PCDH18: variants seen among roughly 807,000 people sequenced by gnomAD.
The protein encoded by PCDH18 is protocadherin-18.
PCDH18 carries 38 observed loss-of-function variants against 71.5 expected under a neutral mutation model. That is an observed-to-expected ratio of 0.53 (90% confidence interval 0.41 to 0.70). The LOEUF (loss-of-function observed/expected upper bound fraction) is 0.70, where lower values mean the gene tolerates loss of function less well. Among genes scored for constraint, PCDH18 ranks in the 30% least tolerant of loss-of-function variants. The probability of loss-of-function intolerance (pLI) is 0.00; values close to 1 mark genes in which losing one functional copy is unlikely to be tolerated. For synonymous variants in PCDH18, 565 were observed against 505.4 expected, an observed-to-expected ratio of 1.12 and a Z score of -1.58; for missense variants, 1,334 against 1,384.6, an observed-to-expected ratio of 0.96 and a Z score of 0.58.
chr4:137,528,007 G>T (rs530393498), intron 3 of PCDH18, among the ~76,000 whole-genome samples: 2 of 152,222 alleles, frequency 1.3e-5, no homozygotes, highest in South Asian at 4.2e-4. Flanking sequence ...ACAATTTCCA[G>T]TGTATTTTAG....
At chr4:137,526,798 T>A (rs1731475511) in intron 3 of PCDH18, among the ~76,000 whole-genome samples, 1 of 151,982 alleles carries the variant, frequency 6.6e-6, no homozygotes, top group Non-Finnish European at 1.5e-5. Context: ...GACACTCTAC[T>A]TAAAAACAAT....
chr4:137,528,569 A>G lies in PCDH18; in HGVS notation c.2649T>C (p.Ser883=). The change falls in exon 3 of 4, where the codon AGT becomes AGC. Residue 883 remains serine (S), a synonymous_variant. Coordinates refer to ENST00000344876, the MANE Select transcript of PCDH18 (RefSeq NM_019035.5). ...GAGAATCTCGCCCCAAATCATAATCACTGTCTCCTGCCTCACTGTCACCAC... is the reference window on the plus strand; with the variant it reads ...GAGAATCTCGCCCCAAATCATAATCGCTGTCTCCTGCCTCACTGTCACCAC... ...SGRGDSEAGD[S]DYDLGRDSPI... 1.2e-6 allele frequency: 2 copies of G among 1,613,858 alleles called. No individual in the cohort carries two copies. The highest frequency in any genetic ancestry group is 1.1e-5 in the South Asian group (1 of 91,074).
chr4:137,522,785 T>C (rs1041551085), intron 3 of PCDH18, among the ~76,000 whole-genome samples: 4 of 152,328 alleles, frequency 2.6e-5, no homozygotes, highest in Admixed American at 1.3e-4. Context: ...TCTTGAAGGA[T>C]GCCCATTCCC....
intron 3 of PCDH18, among the ~76,000 whole-genome samples, chr4:137,522,986 G>C (rs563162455): frequency 1.4e-4 from 21 of 152,256 alleles, no homozygotes; most frequent in African/African-American, 4.6e-4. Context: ...TTCTCTGCTT[G>C]AATCTTTGAG....
At chr4:137,528,888 G>GCAACTGTTTTTCTTGCTT in intron 1 of PCDH18, 68 bp from the exon 2 acceptor site, 2 of 1,055,520 alleles carry the variant, frequency 1.9e-6, no homozygotes, top group Non-Finnish European at 3.0e-6. Flanking sequence ...CTTTAAGCAA[G>GCAACTGTTTTTCTTGCTT]AAAAACAGTT....
chr4:137,532,000 A>C lies in PCDH18; in HGVS notation c.89T>G (p.Leu30Trp). 6.2e-7 allele frequency: 1 copy of C among 1,614,086 alleles called. No individual in the cohort carries two copies. The highest frequency in any genetic ancestry group is 8.5e-7 in the Non-Finnish European group (1 of 1,179,946). The change falls in exon 1 of 4, where the codon TTG (leucine) becomes TGG (tryptophan). Residue 30 changes from leucine (L) to tryptophan (W), a missense_variant. This residue lies in a region of PCDH18 where 1,011 missense variants were observed against 1,048.0 expected (regional missense o/e 0.96). Transcript: ENST00000344876. ...CTGTTCCTCATAAATCCTGTATTTC[A>C]AATTCTTGCCCAGTACATCGTGGTT... is the stretch of plus-strand genomic sequence containing the variant. ...SFNHDVLGKN[L>W]KYRIYEEQRV...
In PCDH18 at chr4:137,530,429, T is replaced by G. The variant is rs1292650142; in HGVS notation, c.1660A>C (p.Lys554Gln). The G allele has an allele frequency of 6.2e-7, 1 of 1,614,134 alleles. No homozygotes were observed. ...VVEARDGGSP[K>Q]QLVSNTTVVL... ...ACTGTGGTATTGCTTACCAGTTGCT[T>G]CGGGCTTCCTCCATCTCTTGCTTCT... is the stretch of plus-strand genomic sequence containing the variant. The change falls in exon 1 of 4, where the codon AAG becomes CAG. Residue 554 changes from lysine to glutamine, a missense_variant. By Grantham distance (53) the Lys-to-Gln change is moderately conservative (BLOSUM62 1). Coordinates refer to ENST00000344876, the MANE Select transcript of PCDH18 (RefSeq NM_019035.5).
rs1731618667 is a variant in PCDH18, at chr4:137,530,167, T to G, written c.1922A>C (p.Asn641Thr). The change falls in exon 1 of 4, where the codon AAC (asparagine) becomes ACC (threonine). Residue 641 changes from asparagine (N) to threonine (T), a missense_variant. Asn to Thr is a moderately conservative substitution (Grantham distance 65, BLOSUM62 0). Coordinates refer to ENST00000344876, the MANE Select transcript of PCDH18 (RefSeq NM_019035.5). ...IDPRSCDIHTNVSMDSVPYTE... is the reference protein window; with the variant it reads ...IDPRSCDIHTTVSMDSVPYTE... Reference sequence around the variant, plus strand: ...GTAGGGAACAGAATCCATGCTAACGTTGGTATGGATGTCACATGATCGTGG... The same window carrying G: ...GTAGGGAACAGAATCCATGCTAACGGTGGTATGGATGTCACATGATCGTGG... 4 of 1,613,200 alleles carry G rather than the reference T, an allele frequency of 2.5e-6. No homozygotes were observed. Among genetic ancestry groups the G allele is most frequent in the Non-Finnish European group, 3.4e-6 (4 of 1,179,628 alleles).
In PCDH18 at chr4:137,520,250, A is replaced by G. The variant is rs1731249819; in HGVS notation, c.*779T>C. On this transcript the variant is annotated 3_prime_UTR_variant, in exon 4 of 4. Coordinates refer to ENST00000344876, the MANE Select transcript of PCDH18 (RefSeq NM_019035.5). The stretch of plus-strand genomic sequence containing the variant: ...AGCATGTTTCATACTACAAGGATGG[A>G]ATAAAATTTATTGTTTACCATAATT... The G allele has an allele frequency of 6.6e-6, 1 of 152,542 alleles. No homozygotes were observed. The highest frequency in any genetic ancestry group is 1.5e-5 in the Non-Finnish European group (1 of 68,040). 9.4% of individuals were successfully genotyped at this position (152,542 alleles called of 1,614,324 possible). A position where few individuals can be genotyped will look rare whatever the true frequency, so the allele number is the denominator to read the frequency against.
In PCDH18 at chr4:137,530,591, C is replaced by G. The variant is rs1327676052; in HGVS notation, c.1498G>C (p.Val500Leu). The change falls in exon 1 of 4, where the codon GTG becomes CTG. Residue 500 changes from valine to leucine, a missense_variant. Around this residue, in one of 3 missense-constraint regions of PCDH18, gnomAD observed 1,011 missense variants for 1,048.0 expected, o/e 0.96. Transcript: ENST00000344876. The part of the protein sequence containing the change: ...TDPDLGENGQ[V>L]TYTILESFIL... ...AAACTCTCCAAGATGGTGTATGTCACTTGCCCATTTTCTCCAAGATCAGGA... is the reference window on the plus strand; with the variant it reads ...AAACTCTCCAAGATGGTGTATGTCAGTTGCCCATTTTCTCCAAGATCAGGA... 4 of 1,614,142 alleles carry G rather than the reference C, an allele frequency of 2.5e-6. No individual in the cohort carries two copies. In the South Asian group the frequency reaches 4.4e-5, roughly 18 times the overall value.
chr4:137,528,153 G>A (rs576033645), intron 3 of PCDH18, among the ~76,000 whole-genome samples: 23 of 152,200 alleles, frequency 1.5e-4, no homozygotes, highest in African/African-American at 4.6e-4. Flanking sequence ...TTACACAACC[G>A]TGTTCTATGG....
In PCDH18 at chr4:137,519,445, C is replaced by T. The variant is rs1731226015; in HGVS notation, c.*1584G>A. 6.6e-6 allele frequency: 1 copy of T among 152,008 alleles called. No homozygotes were observed. Among genetic ancestry groups the T allele is most frequent in the Non-Finnish European group, 1.5e-5 (1 of 67,976 alleles). The allele number at this position is 152,008 out of a possible 1,614,324, so 9.4% of individuals were successfully genotyped here. ...AAAATATTCAAGCAATTATTGCTTGCTTACTCTTTTTTCTTTATTCCCCAA... is the reference window on the plus strand; with the variant it reads ...AAAATATTCAAGCAATTATTGCTTGTTTACTCTTTTTTCTTTATTCCCCAA... On this transcript the variant is annotated 3_prime_UTR_variant, in exon 4 of 4. Transcript: ENST00000344876.
chr4:137,528,985 C>T, intron 1 of PCDH18, 165 bp from the exon 2 acceptor site: 1 of 608,028 alleles, frequency 1.6e-6, no homozygotes, highest in Admixed American at 2.9e-5. Context: ...ACGCAGCCAG[C>T]TACCAACTAT....
At chr4:137,522,707 C>T (rs1041434442) in intron 3 of PCDH18, among the ~76,000 whole-genome samples, 1 of 152,094 alleles carries the variant, frequency 6.6e-6, no homozygotes, top group African/African-American at 2.4e-5. Context: ...ATATTAAGAG[C>T]TAATTTTGTA....
At position 137,532,377 on chromosome 4, in the gene PCDH18, C is replaced by A. The variant is rs1382985467; in HGVS notation, c.-289G>T. 1 of 701,848 alleles carries A rather than the reference C, an allele frequency of 1.4e-6. No homozygotes were observed. Among genetic ancestry groups the A allele is most frequent in the African/African-American group, 1.7e-5 (1 of 57,178 alleles). 43.5% of individuals were successfully genotyped at this position (701,848 alleles called of 1,614,324 possible). On this transcript the variant is annotated 5_prime_UTR_variant, in exon 1 of 4. It removes an upstream start codon present in the reference 5' UTR. Coordinates refer to ENST00000344876, the MANE Select transcript of PCDH18 (RefSeq NM_019035.5). ...TTTTCTCCCTTGTGTAGTCGGAATC[C>A]ATCTATTGCAGGGTGCCGGTGGAGT...
Position 137,529,850 on chromosome 4 carries a change from G to C in PCDH18, c.2239C>G (p.Pro747Ala). 6.2e-7 allele frequency: 1 copy of C among 1,612,242 alleles called. No individual in the cohort carries two copies. Among genetic ancestry groups the C allele is most frequent in the South Asian group, 1.1e-5 (1 of 90,936 alleles). The change falls in exon 1 of 4, where the codon CCA becomes GCA. Residue 747 changes from proline to alanine, a missense_variant. By Grantham distance (27) the Pro-to-Ala change is conservative. Coordinates refer to ENST00000344876, the MANE Select transcript of PCDH18 (RefSeq NM_019035.5). ...RVAESTYQHHPKRPSRQIHKG... is the reference protein window; with the variant it reads ...RVAESTYQHHAKRPSRQIHKG... ...TGAATCTGCCGGGATGGCCTTTTTG[G>C]GTGGTGCTGGTAAGTTGATTCGGCC...
chr4:137,521,742 G>T, intron 3 of PCDH18, 46 bp from the exon 4 acceptor site: 2 of 1,385,442 alleles, frequency 1.4e-6, no homozygotes, highest in Non-Finnish European at 2.0e-6. Context: ...TACTTAGCAC[G>T]ATTCAAAATG....
chr4:137,530,165 C>T lies in PCDH18; in HGVS notation c.1924G>A (p.Val642Ile), dbSNP rs1245243603. The change falls in exon 1 of 4, where the codon GTT (valine) becomes ATT (isoleucine). Residue 642 changes from valine (V) to isoleucine (I), a missense_variant. This residue lies in a region of PCDH18 where 1,011 missense variants were observed against 1,048.0 expected (regional missense o/e 0.96). Coordinates refer to ENST00000344876, the MANE Select transcript of PCDH18 (RefSeq NM_019035.5). ...DPRSCDIHTNVSMDSVPYTEW... is the reference protein window; with the variant it reads ...DPRSCDIHTNISMDSVPYTEW... ...GTGTAGGGAACAGAATCCATGCTAA[C>T]GTTGGTATGGATGTCACATGATCGT... The T allele has an allele frequency of 1.5e-5, 24 of 1,613,404 alleles. No homozygotes were observed. The highest frequency in any genetic ancestry group is 1.9e-5 in the Non-Finnish European group (23 of 1,179,624).
chr4:137,530,598 A>G lies in PCDH18; in HGVS notation c.1491T>C (p.Asn497=), dbSNP rs191973645. The change falls in exon 1 of 4, where the codon AAT becomes AAC. Residue 497 remains asparagine (N), a synonymous_variant. Transcript: ENST00000344876. ...VTATDPDLGE[N]GQVTYTILES... ...CCAAGATGGTGTATGTCACTTGCCC[A>G]TTTTCTCCAAGATCAGGATCTGTGG... 1.2e-5 allele frequency: 19 copies of G among 1,614,078 alleles called. No homozygotes were observed. In the Admixed American group the frequency reaches 1.7e-4, roughly 14 times the overall value.
Sources: allele counts gnomAD v4.1 joint callset (sites outside exome capture counted in the v4.1 genomes callset), GRCh38; gene constraint gnomAD v4.1.1; regional missense constraint gnomAD v4.1.1; transcripts MANE v1.5; gene names NCBI Gene and HGNC (gene_info 2026-07-23, HGNC 2026-07-21).